RUFY3: variants seen among roughly 807,000 people sequenced by gnomAD.
RUFY3 encodes RUN and FYVE domain containing 3.
A neutral mutation model predicts 84.0 loss-of-function variants in RUFY3; 34 were observed. That is an observed-to-expected ratio of 0.40 (90% CI 0.31 to 0.54). RUFY3 has a LOEUF of 0.54. Ranked by LOEUF, RUFY3 falls within the 20% of genes least tolerant of loss-of-function variation. The pLI is 0.39. For missense variants in RUFY3, 507 were observed against 736.8 expected (o/e 0.69, Z 3.61); for synonymous variants, 242 against 252.9 (o/e 0.96, Z 0.41).
At chr4:70,739,774 C>G (rs1720998836) in intron 1 of RUFY3, among the ~76,000 whole-genome samples, 1 of 149,452 alleles carries the variant, frequency 6.7e-6, no homozygotes, top group South Asian at 2.1e-4. Context: ...AAAAGAAGTA[C>G]AAGAGGGGCC....
At chr4:70,778,688 T>C (rs905821366) in intron 8 of RUFY3, among the ~76,000 whole-genome samples, 1 of 149,652 alleles carries the variant, frequency 6.7e-6, no homozygotes, top group Non-Finnish European at 1.5e-5. Flanking sequence ...CAAGCGATGC[T>C]CCTGCCTCAG....
intron 1 of RUFY3, among the ~76,000 whole-genome samples, chr4:70,729,410 C>T (rs957976957): frequency 5.9e-5 from 9 of 152,142 alleles, no homozygotes; most frequent in African/African-American, 2.2e-4. Flanking sequence ...GCGCATACCA[C>T]CACACCCAGC....
chr4:70,719,621 A>T (rs1021791375), upstream of RUFY3, among the ~76,000 whole-genome samples: 1 of 152,200 alleles, frequency 6.6e-6, no homozygotes, highest in Non-Finnish European at 1.5e-5. Flanking sequence ...GGAATGTCCC[A>T]TGTAATTTGA....
intron 5 of RUFY3, among the ~76,000 whole-genome samples, chr4:70,770,531 T>G (rs1258853427): frequency 6.6e-6 from 1 of 152,228 alleles, no homozygotes; most frequent in African/African-American, 2.4e-5. Context: ...CTTCAGGCTT[T>G]TCCTCTGCAG....
chr4:70,794,588 G>T (rs548066727), intron 13 of RUFY3: 19 of 526,558 alleles, frequency 3.6e-5, no homozygotes, highest in African/African-American at 3.6e-4. Context: ...TCAAAAAAAG[G>T]TAGAGATTAG....
At chr4:70,778,492 A>G (rs1301372817) in intron 8 of RUFY3, 54 bp downstream of exon 8, 2 of 961,760 alleles carry the variant, frequency 2.1e-6, no homozygotes, top group Non-Finnish European at 3.3e-6. Context: ...GCATTAGTAG[A>G]ACCAATAATT....
intron 1 of RUFY3, among the ~76,000 whole-genome samples, chr4:70,752,523 T>A (rs966387332): frequency 3.8e-4 from 58 of 152,344 alleles, no homozygotes; most frequent in African/African-American, 1.4e-3. Flanking sequence ...TTCAGTCTTT[T>A]GCCATCAAGT....
At chr4:70,710,469 G>T (rs1360151867) in intron 1 of RUFY3, among the ~76,000 whole-genome samples, 1 of 146,934 alleles carries the variant, frequency 6.8e-6, no homozygotes, top group Non-Finnish European at 1.5e-5. Context: ...TCGGGAGTTC[G>T]AGACCAACCT....
rs1731175107 is a variant in RUFY3, at chr4:70,793,853, G to A, written c.1406G>A (p.Gly469Glu). ...AACCGGCTCTTCAAACAGGACTTTG[G>A]AGACAAGATCAACAGTCTGCAGCTG... ...LDNRLFKQDF[G>E]DKINSLQLEV... The change falls in exon 13 of 18, where the codon GGA (glycine) becomes GAA (glutamate). Residue 469 changes from glycine to glutamate, a missense_variant. This residue lies in a region of RUFY3 where 334 missense variants were observed against 364.1 expected (regional missense o/e 0.92). Transcript: ENST00000381006. 1.2e-6 allele frequency: 2 copies of A among 1,614,116 alleles called. No individual in the cohort carries two copies. Among genetic ancestry groups the A allele is most frequent in the South Asian group, 1.1e-5 (1 of 91,080 alleles).
intron 8 of RUFY3, among the ~76,000 whole-genome samples, chr4:70,782,868 T>C (rs1729174874): frequency 6.6e-6 from 1 of 152,054 alleles, no homozygotes; most frequent in Admixed American, 6.5e-5. Flanking sequence ...CCCGAGATTA[T>C]GCCACTGCAC....
chr4:70,787,168 G>GAAAAAAAA (rs71211959), intron 10 of RUFY3, among the ~76,000 whole-genome samples: 2 of 53,024 alleles, frequency 3.8e-5, no homozygotes, highest in African/African-American at 1.7e-4. Flanking sequence ...CCCTGTCTCA[G>GAAAAAAAA]AAAAAAAAAA....
rs1360381068 is a variant in RUFY3 at position 70,764,581 on chromosome 4, G to A, written c.572+5G>A. ...CAATAAGAAAGAACTTCTCAGGTAT[G>A]AACACCTTCTTGAACTTTCTTCTTT... is the stretch of plus-strand genomic sequence containing the variant. On this transcript the variant is annotated splice_donor_5th_base_variant and intron_variant, in intron 4 of 17. Transcript: ENST00000381006. 1 of 1,531,260 alleles carries A rather than the reference G, an allele frequency of 6.5e-7. No homozygotes were observed. The highest frequency in any genetic ancestry group is 2.2e-5 in the East Asian group (1 of 44,446). The allele number at this position is 1,531,260 out of a possible 1,614,324, so 94.9% of individuals were successfully genotyped here. A position where few individuals can be genotyped will look rare whatever the true frequency, so the allele number is the denominator to read the frequency against.
intron 1 of RUFY3, among the ~76,000 whole-genome samples, chr4:70,724,614 A>G (rs28439750): frequency 0.072 from 10,982 of 152,308 alleles, 1,037 homozygotes; most frequent in African/African-American, 0.22. Flanking sequence ...AGATAAATAC[A>G]GAGTTTCCAA....
At chr4:70,768,074 G>C (rs1373267672) in intron 4 of RUFY3, among the ~76,000 whole-genome samples, 1 of 152,024 alleles carries the variant, frequency 6.6e-6, no homozygotes, top group Non-Finnish European at 1.5e-5. Context: ...GGCTCAAGCA[G>C]TCCTCCCGCC....
chr4:70,767,950 A>T (rs1328043006), intron 4 of RUFY3, among the ~76,000 whole-genome samples: 3 of 152,120 alleles, frequency 2.0e-5, no homozygotes, highest in African/African-American at 7.2e-5. Context: ...AAGTGCTGGG[A>T]TTACAAGCGT....
Position 70,774,644 on chromosome 4 carries a change from A to AATATATATAT in RUFY3, c.759-506_759-497dup, listed in dbSNP as rs1553916772. On this transcript the variant is annotated intron_variant, in intron 6 of 17. Transcript: ENST00000381006. ...AAAAAAAAAAAAAAAAAAAAAAAAA[A>AATATATATAT]ATATATATATATATATATATATATA... is the stretch of plus-strand genomic sequence containing the variant. 3.3e-3 allele frequency among the ~76,000 whole-genome samples: 185 copies of AATATATATAT among 56,628 alleles called. 1 individual carries two copies. Among genetic ancestry groups the AATATATATAT allele is most frequent in the African/African-American group, 0.011 (137 of 11,918 alleles). The allele number at this position is 56,628 out of a possible 152,430, so 37.2% of individuals were successfully genotyped here. A position where few individuals can be genotyped will look rare whatever the true frequency, so the allele number is the denominator to read the frequency against.
chr4:70,774,614 C>CAAAAAAAAAAAAAAAA (rs1172638290), intron 6 of RUFY3, among the ~76,000 whole-genome samples: 1 of 22,090 alleles, frequency 4.5e-5, no homozygotes, highest in Non-Finnish European at 7.0e-5. Flanking sequence ...GACTCTGCCT[C>CAAAAAAAAAAAAAAAA]AAAAAAAAAA....
At chr4:70,803,853 G>A (rs1732544175) in intron 16 of RUFY3, among the ~76,000 whole-genome samples, 1 of 151,260 alleles carries the variant, frequency 6.6e-6, no homozygotes, top group Non-Finnish European at 1.5e-5. Flanking sequence ...CTCCCGAGTA[G>A]CTGGGATTAC....
At chr4:70,773,706 G>T in intron 6 of RUFY3, 134 bp downstream of exon 6, 1 of 595,006 alleles carries the variant, frequency 1.7e-6, no homozygotes, top group South Asian at 2.6e-5. Flanking sequence ...CTTTAATAAA[G>T]TCTTGCCAGA....
Sources: gnomAD v4.1 joint callset for allele counts (sites outside exome capture counted in the v4.1 genomes callset) on GRCh38, gnomAD v4.1.1 for gene constraint, gnomAD v4.1.1 regional missense constraint, MANE v1.5 for transcripts, NCBI Gene and HGNC (gene_info 2026-07-23, HGNC 2026-07-21) for gene names.